Variants in KCNN2 observed in about 807,000 individuals in gnomAD.
KCNN2 encodes the protein potassium calcium-activated channel subfamily N member 2.
KCNN2 carries 24 observed loss-of-function variants against 55.5 expected under a neutral mutation model. That is an observed-to-expected ratio of 0.43 (90% CI 0.31 to 0.61). KCNN2 has a LOEUF of 0.61. Ranked by LOEUF, KCNN2 falls within the 20% of genes least tolerant of loss-of-function variation. The pLI, the probability that KCNN2 is intolerant of heterozygous loss-of-function variation, is 0.08. For synonymous variants in KCNN2, 431 were observed against 336.1 expected, an observed-to-expected ratio of 1.28 and a Z score of -3.09; for missense variants, 754 against 853.6, an observed-to-expected ratio of 0.88 and a Z score of 1.45.
intron 2 of KCNN2, among the ~76,000 whole-genome samples, chr5:114,280,876 C>A (rs982545290): frequency 6.6e-6 from 1 of 152,098 alleles, no homozygotes; most frequent in Non-Finnish European, 1.5e-5. Context: ...GACTCTCCAG[C>A]CTTGTTTCCT....
chr5:114,218,038 A>G (rs757637765), intron 1 of KCNN2, among the ~76,000 whole-genome samples: 4 of 152,202 alleles, frequency 2.6e-5, no homozygotes, highest in South Asian at 4.1e-4. Flanking sequence ...TAAAGCAACA[A>G]TGACATACCA....
chr5:114,235,618 T>C (rs1754475388), intron 2 of KCNN2, among the ~76,000 whole-genome samples: 1 of 152,218 alleles, frequency 6.6e-6, no homozygotes, highest in South Asian at 2.1e-4. Context: ...GCTTTTGCTA[T>C]GTTTCTGGGT....
intron 2 of KCNN2, among the ~76,000 whole-genome samples, chr5:114,247,133 G>C (rs1470339371): frequency 7.3e-6 from 1 of 137,674 alleles, no homozygotes; most frequent in African/African-American, 2.7e-5. Flanking sequence ...GTGAAACTCT[G>C]TCTCTACTAG....
At chr5:114,176,176 G>A (rs1753127689) in intron 1 of KCNN2, among the ~76,000 whole-genome samples, 1 of 152,164 alleles carries the variant, frequency 6.6e-6, no homozygotes, top group African/African-American at 2.4e-5. Flanking sequence ...CAGCATCCAT[G>A]TTCCTTAACC....
chr5:114,261,516 C>T (rs565938044), intron 2 of KCNN2, among the ~76,000 whole-genome samples: 150 of 152,224 alleles, frequency 9.9e-4, no homozygotes, highest in African/African-American at 3.6e-3. Flanking sequence ...ATCAGGGTGT[C>T]CAAAAAGGCA....
intron 1 of KCNN2, among the ~76,000 whole-genome samples, chr5:114,215,481 C>G (rs958900761): frequency 6.6e-6 from 1 of 152,094 alleles, no homozygotes; most frequent in African/African-American, 2.4e-5. Context: ...GACTAACACT[C>G]TAAGGCAGGA....
Position 114,363,586 on chromosome 5 carries a change from A to G in KCNN2, c.1123-320A>G, listed in dbSNP as rs117533987. 7.3e-4 allele frequency among the ~76,000 whole-genome samples: 111 copies of G among 152,302 alleles called. 2 individuals are homozygous for G. In the East Asian group the frequency reaches 0.02, roughly 27 times the overall value. On this transcript the variant is annotated intron_variant, in intron 1 of 7. Coordinates refer to ENST00000673685, the MANE Select transcript of KCNN2 (RefSeq NM_021614.4). ...GAATTATGTTTAGAAGGGCCCTTTCAACCCGCTCTCTTGAACTCAGAAGTA... is the reference window on the plus strand; with the variant it reads ...GAATTATGTTTAGAAGGGCCCTTTCGACCCGCTCTCTTGAACTCAGAAGTA...
rs542184158 is a variant in KCNN2, at chr5:114,454,152, C to G, written c.1638-8897C>G. Among the ~76,000 whole-genome samples the G allele has an allele frequency of 4.3e-3, 659 of 152,246 alleles. 4 individuals carry two copies. The highest frequency in any genetic ancestry group is 0.014 in the Middle Eastern group (4 of 294). On this transcript the variant is annotated intron_variant, in intron 3 of 7. Coordinates refer to ENST00000673685, the MANE Select transcript of KCNN2 (RefSeq NM_021614.4). ...TCCATGTCCCTGCAAAGGACATGAA[C>G]TCATTCTTTTTATGGCTGCATAGTA...
At chr5:114,151,800 A>G (rs1167734019) in intron 1 of KCNN2, among the ~76,000 whole-genome samples, 1 of 152,146 alleles carries the variant, frequency 6.6e-6, no homozygotes, top group Non-Finnish European at 1.5e-5. Flanking sequence ...GGAACTGTCT[A>G]GAAAAAAAAA....
intron 1 of KCNN2, among the ~76,000 whole-genome samples, chr5:114,145,856 C>T (rs962156495): frequency 1.1e-4 from 16 of 152,058 alleles, no homozygotes; most frequent in African/African-American, 2.7e-4. Flanking sequence ...CCGCTGGAGA[C>T]GAGTTGTTTA....
At chr5:114,294,154 C>A (rs1337865255) in intron 2 of KCNN2, among the ~76,000 whole-genome samples, 1 of 152,082 alleles carries the variant, frequency 6.6e-6, no homozygotes, top group Non-Finnish European at 1.5e-5. Flanking sequence ...CTCCTGGATG[C>A]ATTAATTTTT....
At chr5:114,227,567 C>T (rs1754261685) in intron 2 of KCNN2, among the ~76,000 whole-genome samples, 1 of 152,138 alleles carries the variant, frequency 6.6e-6, no homozygotes, top group South Asian at 2.1e-4. Flanking sequence ...ATTTTTCTGT[C>T]CTCCAGAGCA....
At chr5:114,442,858 G>C (rs1056633471) in intron 3 of KCNN2, among the ~76,000 whole-genome samples, 3 of 152,122 alleles carry the variant, frequency 2.0e-5, no homozygotes, top group African/African-American at 7.2e-5. Flanking sequence ...TGGGCAGGGG[G>C]AAAAGAGGAC....
At chr5:114,080,317 C>A (rs1750783418) in intron 1 of KCNN2, among the ~76,000 whole-genome samples, 1 of 152,170 alleles carries the variant, frequency 6.6e-6, no homozygotes, top group African/African-American at 2.4e-5. Context: ...CCTAGCTTTA[C>A]AAAATGAGTT....
At chr5:114,389,248 T>G (rs1458414951) in intron 2 of KCNN2, among the ~76,000 whole-genome samples, 2 of 152,172 alleles carry the variant, frequency 1.3e-5, no homozygotes, top group Non-Finnish European at 2.9e-5. Flanking sequence ...AACAAGGGCC[T>G]TAGATAACCA....
intron 2 of KCNN2, among the ~76,000 whole-genome samples, chr5:114,280,287 A>G (rs1561552891): frequency 6.6e-6 from 1 of 152,206 alleles, no homozygotes; most frequent in Non-Finnish European, 1.5e-5. Flanking sequence ...TTTGCTGTGC[A>G]GAAGCTCTTT....
At chr5:114,075,521 G>A (rs997736686) in intron 1 of KCNN2, among the ~76,000 whole-genome samples, 2 of 151,986 alleles carry the variant, frequency 1.3e-5, no homozygotes, top group African/African-American at 4.8e-5. Context: ...TATTTACTTG[G>A]CAATTGAACC....
intron 2 of KCNN2, among the ~76,000 whole-genome samples, chr5:114,327,409 C>T (rs1254361102): frequency 6.6e-6 from 1 of 152,204 alleles, no homozygotes; most frequent in Non-Finnish European, 1.5e-5. Flanking sequence ...TGGATAAACA[C>T]TTTTGGTGCA....
intron 2 of KCNN2, among the ~76,000 whole-genome samples, chr5:114,310,730 G>A (rs994484201): frequency 3.3e-5 from 5 of 152,086 alleles, no homozygotes. Context: ...GTATGAAAAT[G>A]GCCAGATAAA....
Sources: allele counts gnomAD v4.1 joint callset (sites outside exome capture counted in the v4.1 genomes callset), GRCh38; gene constraint gnomAD v4.1.1; transcripts MANE v1.5; gene names NCBI Gene and HGNC (gene_info 2026-07-23, HGNC 2026-07-21).